XKRX: variants seen among roughly 807,000 people sequenced by gnomAD.
The protein encoded by XKRX is XK-related protein 2.
In XKRX, 11 loss-of-function variants were observed where a neutral mutation model predicts 22.4. The ratio of observed to expected loss-of-function variants is 0.49; its 90% CI spans 0.31 to 0.81. The LOEUF is 0.81. Among genes scored for constraint, XKRX ranks in the 40% least tolerant of loss-of-function variants. The pLI is 0.05. For missense variants in XKRX, 320 were observed against 336.5 expected, an observed-to-expected ratio of 0.95 and a Z score of 0.38; for synonymous variants, 114 against 132.2, an observed-to-expected ratio of 0.86 and a Z score of 0.94.
At chrX:100,911,107 A>C (rs752554604), downstream of XKRX, 4 of 570,354 alleles carry the variant, frequency 7.0e-6, no homozygotes, top group East Asian at 6.5e-5. Flanking sequence ...CAAAAGTATT[A>C]AAAGTTATTC....
the XKRX span, among the ~76,000 whole-genome samples, chrX:100,949,362 T>TTG: frequency 2.3e-5 from 1 of 42,803 alleles, no homozygotes. Flanking sequence ...ATGTTTTTGG[T>TTG]TGTTTTTTTT....
At chrX:100,911,614 T>C (rs908701175), downstream of XKRX, 8 of 434,076 alleles carry the variant, frequency 1.8e-5, no homozygotes, top group African/African-American at 7.4e-5. Context: ...ATTTATTAAA[T>C]TGCAAACATT....
chrX:100,889,759 T>C, the XKRX span, among the ~76,000 whole-genome samples: 1 of 111,439 alleles, frequency 9.0e-6, no homozygotes, highest in Non-Finnish European at 1.9e-5. Flanking sequence ...ATCCCGGCAA[T>C]GTGAGAGGCT....
At chrX:100,930,390 C>A (rs1003097889), upstream of XKRX, among the ~76,000 whole-genome samples, 21 of 110,037 alleles carry the variant, frequency 1.9e-4, no homozygotes, top group African/African-American at 6.9e-4. Context: ...TAAAACAAAT[C>A]TATGTGAGGA....
chrX:100,929,779 GA>G (rs1424314869), upstream of XKRX, among the ~76,000 whole-genome samples: 1 of 111,690 alleles, frequency 9.0e-6, no homozygotes, highest in Non-Finnish European at 1.9e-5. Flanking sequence ...GTCTTTGGTT[GA>G]AAGGTTATGA....
upstream of XKRX, among the ~76,000 whole-genome samples, chrX:100,933,206 C>T (rs139697998): frequency 4.7e-3 from 519 of 109,626 alleles, 2 homozygotes; most frequent in African/African-American, 0.013. Context: ...AAAAGCCAGG[C>T]GCAGTGGTTC....
At chrX:100,956,808 T>G in the XKRX span, 1 of 592,998 alleles carries the variant, frequency 1.7e-6, no homozygotes, top group East Asian at 3.2e-5. Context: ...TTTGTATTCA[T>G]CAAGACAAGA....
At chrX:100,945,806 CA>C in the XKRX span, among the ~76,000 whole-genome samples, 6,716 of 31,812 alleles carry the variant, frequency 0.21, 106 homozygotes, top group Non-Finnish European at 0.27. Context: ...ATTCTGTCTC[CA>C]AAAAAAAAAA....
the XKRX span, among the ~76,000 whole-genome samples, chrX:100,946,270 C>T: frequency 1.2e-4 from 13 of 110,933 alleles, no homozygotes; most frequent in Middle Eastern, 4.7e-3. Context: ...ATTCCATGAA[C>T]TGTCACTCTC....
At chrX:100,952,186 G>C in the XKRX span, among the ~76,000 whole-genome samples, 2 of 110,354 alleles carry the variant, frequency 1.8e-5, no homozygotes, top group East Asian at 2.8e-4. Context: ...ATATCAACAG[G>C]CTTAAAAAAT....
chrX:100,933,175 A>G (rs2147946308), upstream of XKRX, among the ~76,000 whole-genome samples: 1 of 109,160 alleles, frequency 9.2e-6, no homozygotes, highest in East Asian at 2.9e-4. Context: ...CTCAAAAAAA[A>G]AAAAGAAAAA....
chrX:100,905,840 G>A, the XKRX span, among the ~76,000 whole-genome samples: 1 of 111,981 alleles, frequency 8.9e-6, no homozygotes, highest in East Asian at 2.8e-4. Flanking sequence ...CCAAAGGAAT[G>A]CTAAAATAAG....
At chrX:100,945,247 T>TATACAC in the XKRX span, among the ~76,000 whole-genome samples, 1 of 55,385 alleles carries the variant, frequency 1.8e-5, no homozygotes, top group Admixed American at 2.4e-4. Flanking sequence ...ACCTGGGTGA[T>TATACAC]ACACACACAC....
the XKRX span, among the ~76,000 whole-genome samples, chrX:100,952,490 G>T: frequency 9.0e-6 from 1 of 110,900 alleles, no homozygotes; most frequent in African/African-American, 3.3e-5. Flanking sequence ...ATTCAACATA[G>T]TACTGGAAGT....
At chrX:100,921,904 G>A (rs1457982603) in intron 2 of XKRX, among the ~76,000 whole-genome samples, 1 of 98,840 alleles carries the variant, frequency 1.0e-5, no homozygotes, top group African/African-American at 3.8e-5. Context: ...CGCGATCTCG[G>A]CTCACTGCAA....
At chrX:100,939,694 C>T in the XKRX span, among the ~76,000 whole-genome samples, 1 of 112,329 alleles carries the variant, frequency 8.9e-6, no homozygotes, top group African/African-American at 3.2e-5. Flanking sequence ...CACCAGGCCA[C>T]ATGCCCAGAT....
chrX:100,945,289 C>CACACACACACACACACAT, the XKRX span, among the ~76,000 whole-genome samples: 8 of 98,546 alleles, frequency 8.1e-5, no homozygotes, highest in East Asian at 3.2e-4. Context: ...CACACACACA[C>CACACACACACACACACAT]AGTTTATTTT....
At chrX:100,890,559 T>C in the XKRX span, among the ~76,000 whole-genome samples, 3 of 110,918 alleles carry the variant, frequency 2.7e-5, no homozygotes, top group East Asian at 8.5e-4. Context: ...CCTAATATTA[T>C]GGTAACAGGA....
At chrX:100,903,741 AC>A in the XKRX span, among the ~76,000 whole-genome samples, 4 of 111,669 alleles carry the variant, frequency 3.6e-5, no homozygotes, top group African/African-American at 1.3e-4. Flanking sequence ...TTACATTAGC[AC>A]CCCCCAAAAT....
Sources: allele counts gnomAD v4.1 joint callset (sites outside exome capture counted in the v4.1 genomes callset), GRCh38; gene constraint gnomAD v4.1.1; transcripts MANE v1.5; gene names NCBI Gene and HGNC (gene_info 2026-07-23, HGNC 2026-07-21).